Variants in CDKAL1 observed in about 807,000 individuals in gnomAD.
CDKAL1 encodes CDKAL1 threonylcarbamoyladenosine tRNA methylthiotransferase.
A neutral mutation model predicts 68.2 loss-of-function variants in CDKAL1; 32 were observed. The observed-to-expected ratio is 0.47, with a 90% CI of 0.35 to 0.63. The LOEUF (loss-of-function observed/expected upper bound fraction) is 0.63. Among genes scored for constraint, CDKAL1 ranks in the 30% least tolerant of loss-of-function variants. The probability of loss-of-function intolerance (pLI) is 0.00; values close to 1 mark genes in which losing one functional copy is unlikely to be tolerated. For synonymous variants in CDKAL1, 234 were observed against 244.3 expected (o/e 0.96, Z 0.39); for missense variants, 606 against 696.7 (o/e 0.87, Z 1.47).
At chr6:20,624,626 A>T (rs914803399) in intron 4 of CDKAL1, among the ~76,000 whole-genome samples, 25 of 152,014 alleles carry the variant, frequency 1.6e-4, no homozygotes, top group African/African-American at 6.0e-4. Flanking sequence ...ATTAGATCTG[A>T]TGGTAGAATT....
intron 13 of CDKAL1, among the ~76,000 whole-genome samples, chr6:21,146,151 A>C (rs1776158067): frequency 6.6e-6 from 1 of 152,190 alleles, no homozygotes; most frequent in Non-Finnish European, 1.5e-5. Flanking sequence ...CCAGTAAAAT[A>C]AAACATCGTC....
At chr6:21,139,457 T>A (rs1775789795) in intron 13 of CDKAL1, among the ~76,000 whole-genome samples, 1 of 152,194 alleles carries the variant, frequency 6.6e-6, no homozygotes, top group South Asian at 2.1e-4. Flanking sequence ...CAAGAAAAGG[T>A]AGAGAAAAAT....
chr6:20,936,883 C>A (rs1160805807), intron 9 of CDKAL1, among the ~76,000 whole-genome samples: 1 of 152,114 alleles, frequency 6.6e-6, no homozygotes, highest in Admixed American at 6.5e-5. Flanking sequence ...TTGGCCCTGC[C>A]TTACTTAAAT....
chr6:21,011,923 G>A (rs1768046335), intron 11 of CDKAL1, among the ~76,000 whole-genome samples: 1 of 152,114 alleles, frequency 6.6e-6, no homozygotes, highest in South Asian at 2.1e-4. Context: ...TCATCTGCAA[G>A]TGACAGAAAA....
At chr6:20,823,378 C>T (rs1308614584) in intron 8 of CDKAL1, among the ~76,000 whole-genome samples, 1 of 152,122 alleles carries the variant, frequency 6.6e-6, no homozygotes, top group East Asian at 1.9e-4. Context: ...AATGCGTCTT[C>T]AGTAAGTATA....
chr6:20,707,326 G>C (rs1771646488), intron 5 of CDKAL1, among the ~76,000 whole-genome samples: 1 of 152,178 alleles, frequency 6.6e-6, no homozygotes, highest in South Asian at 2.1e-4. Context: ...ACAGAATGAT[G>C]AAATATTTGA....
chr6:20,716,773 A>G (rs1772116730), intron 5 of CDKAL1, among the ~76,000 whole-genome samples: 1 of 149,998 alleles, frequency 6.7e-6, no homozygotes, highest in Non-Finnish European at 1.5e-5. Flanking sequence ...TTGATATGTT[A>G]TATGTATGAG....
At chr6:21,071,306 G>A (rs1005228184) in intron 12 of CDKAL1, among the ~76,000 whole-genome samples, 6 of 152,100 alleles carry the variant, frequency 3.9e-5, no homozygotes, top group African/African-American at 1.4e-4. Context: ...CACAAGATCT[G>A]ATGGTTTTAT....
chr6:21,120,120 T>G (rs1427353697), intron 13 of CDKAL1, among the ~76,000 whole-genome samples: 2 of 152,266 alleles, frequency 1.3e-5, no homozygotes, highest in African/African-American at 4.8e-5. Context: ...CTCATATAAT[T>G]CACTTCCATT....
At chr6:20,584,669 A>G (rs554337229) in intron 4 of CDKAL1, among the ~76,000 whole-genome samples, 9 of 152,338 alleles carry the variant, frequency 5.9e-5, no homozygotes, top group South Asian at 4.1e-4. Context: ...TATTTGTTCA[A>G]TAGAACTTTT....
chr6:21,176,125 A>G (rs1366503961), intron 13 of CDKAL1, among the ~76,000 whole-genome samples: 1 of 152,218 alleles, frequency 6.6e-6, no homozygotes, highest in Non-Finnish European at 1.5e-5. Flanking sequence ...TACTATAGTT[A>G]TTTGTTAAGT....
intron 10 of CDKAL1, among the ~76,000 whole-genome samples, chr6:20,997,774 C>A (rs1413822754): frequency 2.0e-5 from 3 of 152,102 alleles, no homozygotes; most frequent in Non-Finnish European, 4.4e-5. Context: ...CCAGTTATTT[C>A]TCCTTCACTT....
At chr6:20,819,036 A>G (rs1189873216) in intron 8 of CDKAL1, among the ~76,000 whole-genome samples, 1 of 152,112 alleles carries the variant, frequency 6.6e-6, no homozygotes, top group Non-Finnish European at 1.5e-5. Context: ...AACTAGAGTT[A>G]TTTTGTTTCA....
At chr6:20,912,891 A>G (rs1242067718) in intron 9 of CDKAL1, among the ~76,000 whole-genome samples, 1 of 152,178 alleles carries the variant, frequency 6.6e-6, no homozygotes, top group African/African-American at 2.4e-5. Flanking sequence ...ATTCTCCATT[A>G]AACTCTTAAT....
intron 4 of CDKAL1, among the ~76,000 whole-genome samples, chr6:20,606,313 G>C (rs1766331703): frequency 6.6e-6 from 1 of 152,076 alleles, no homozygotes; most frequent in South Asian, 2.1e-4. Context: ...TAGTTATTTA[G>C]AATCACTTCT....
At chr6:20,558,422 C>G (rs1306838153) in intron 4 of CDKAL1, 5 of 414,806 alleles carry the variant, frequency 1.2e-5, no homozygotes, top group African/African-American at 2.1e-5. Flanking sequence ...TTGGAGATAT[C>G]TAAATGTAAA....
intron 9 of CDKAL1, among the ~76,000 whole-genome samples, chr6:20,868,442 T>G (rs1308080676): frequency 2.0e-5 from 3 of 152,218 alleles, no homozygotes; most frequent in Admixed American, 2.0e-4. Flanking sequence ...TGCTCCCCAA[T>G]AGCCATTGTG....
chr6:21,222,851 A>ATATC (rs1422022200), intron 15 of CDKAL1, among the ~76,000 whole-genome samples: 1 of 151,986 alleles, frequency 6.6e-6, no homozygotes, highest in East Asian at 1.9e-4. Context: ...TCTTACAGGG[A>ATATC]TATCTTTTAT....
chr6:20,776,878 C>T (rs1196173186), intron 7 of CDKAL1, among the ~76,000 whole-genome samples: 1 of 152,160 alleles, frequency 6.6e-6, no homozygotes, highest in African/African-American at 2.4e-5. Context: ...AGTAAGGTTG[C>T]AACTAGGGCA....
Sources: allele counts gnomAD v4.1 joint callset (sites outside exome capture counted in the v4.1 genomes callset), GRCh38; gene constraint gnomAD v4.1.1; transcripts MANE v1.5; gene names NCBI Gene and HGNC (gene_info 2026-07-23, HGNC 2026-07-21).